The following DOCK1 variants were observed in gnomAD, a reference collection of about 807,000 sequenced individuals.
DOCK1 encodes dedicator of cytokinesis protein 1.
A neutral mutation model predicts 262.7 loss-of-function variants in DOCK1; 138 were observed. That is an observed-to-expected ratio of 0.53 (90% CI 0.46 to 0.61). The LOEUF (loss-of-function observed/expected upper bound fraction) is 0.61. DOCK1 is among the 20% of genes least tolerant of loss of function. DOCK1 has a pLI of 0.00. For missense variants in DOCK1, 1,908 were observed against 2,370.7 expected, an observed-to-expected ratio of 0.80 and a Z score of 4.05; for synonymous variants, 866 against 867.4, an observed-to-expected ratio of 1.00 and a Z score of 0.03.
At chr10:127,159,420 T>C (rs2053391507) in intron 27 of DOCK1, among the ~76,000 whole-genome samples, 1 of 152,212 alleles carries the variant, frequency 6.6e-6, no homozygotes. Context: ...TCTTCAGTTG[T>C]TACTATCAGC....
chr10:127,445,705 A>G (rs926724845), intron 50 of DOCK1, among the ~76,000 whole-genome samples: 19 of 152,226 alleles, frequency 1.2e-4, no homozygotes, highest in African/African-American at 4.3e-4. Context: ...CAGATACTTA[A>G]TATTCATAGC....
intron 38 of DOCK1, among the ~76,000 whole-genome samples, chr10:127,399,775 T>C (rs1156975392): frequency 6.6e-6 from 1 of 152,100 alleles, no homozygotes; most frequent in East Asian, 1.9e-4. Flanking sequence ...GTAAGAGACC[T>C]ACAAGGAAAG....
At chr10:126,974,696 C>CT (rs1174179524) in intron 2 of DOCK1, among the ~76,000 whole-genome samples, 2 of 152,158 alleles carry the variant, frequency 1.3e-5, no homozygotes, top group African/African-American at 4.8e-5. Flanking sequence ...ATGCCGAACT[C>CT]TGTCATGCAG....
chr10:127,405,794 G>A (rs2067484449), intron 40 of DOCK1, among the ~76,000 whole-genome samples: 1 of 146,508 alleles, frequency 6.8e-6, no homozygotes, highest in African/African-American at 2.5e-5. Context: ...GAGGCGTCTG[G>A]CCCTGTCCTG....
chr10:127,049,668 T>C (rs1269174052), intron 21 of DOCK1, among the ~76,000 whole-genome samples: 1 of 152,188 alleles, frequency 6.6e-6, no homozygotes, highest in Non-Finnish European at 1.5e-5. Flanking sequence ...CTTGAATGTT[T>C]ATTTCAAATT....
intron 29 of DOCK1, among the ~76,000 whole-genome samples, chr10:127,332,434 C>A (rs1236762951): frequency 6.6e-6 from 1 of 152,262 alleles, no homozygotes; most frequent in African/African-American, 2.4e-5. Context: ...GCAATGAAAT[C>A]TTTTGGCTTC....
intron 27 of DOCK1, among the ~76,000 whole-genome samples, chr10:127,130,638 T>C (rs1299981768): frequency 2.6e-5 from 4 of 152,198 alleles, no homozygotes; most frequent in African/African-American, 4.8e-5. Context: ...GGCATGATAA[T>C]AAGTGTGGTA....
At chr10:127,098,510 C>T (rs2048041745) in intron 23 of DOCK1, among the ~76,000 whole-genome samples, 1 of 152,160 alleles carries the variant, frequency 6.6e-6, no homozygotes, top group South Asian at 2.1e-4. Flanking sequence ...ACATGCACAA[C>T]ACGTCATTCC....
intron 21 of DOCK1, among the ~76,000 whole-genome samples, chr10:127,049,625 T>C (rs2044579043): frequency 6.6e-6 from 1 of 152,142 alleles, no homozygotes; most frequent in South Asian, 2.1e-4. Flanking sequence ...TGATAATATA[T>C]ACCATGTTCA....
At chr10:127,020,506 G>A (rs983583642) in intron 13 of DOCK1, among the ~76,000 whole-genome samples, 6 of 151,614 alleles carry the variant, frequency 4.0e-5, no homozygotes, top group Non-Finnish European at 7.4e-5. Context: ...GGTCAAAGCC[G>A]TAGTGAGCCA....
At position 127,260,969 on chromosome 10, in the gene DOCK1, GTGTGTGTGTGTGTACCCGTGCTCA is replaced by G. The variant is rs1180762878; in HGVS notation, c.3044+3550_3044+3573del. 3.0e-4 allele frequency among the ~76,000 whole-genome samples: 13 copies of G among 43,378 alleles called. 1 individual carries two copies. Among genetic ancestry groups the G allele is most frequent in the East Asian group, 5.1e-4 (1 of 1,978 alleles). The allele number at this position is 43,378 out of a possible 152,430, so 28.5% of individuals were successfully genotyped here. A position where few individuals can be genotyped will look rare whatever the true frequency, so the allele number is the denominator to read the frequency against. On this transcript the variant is annotated intron_variant, in intron 29 of 51. Coordinates refer to ENST00000623213, the MANE Select transcript of DOCK1 (RefSeq NM_001290223.2). ...TGCTCATCTGTGTGTGTGCATGTGG[GTGTGTGTGTGTGTACCCGTGCTCA>G]TGTGTGTGTACCTGCATGTGTGTGC... is the stretch of plus-strand genomic sequence containing the variant.
At chr10:127,302,758 G>T (rs1423717879) in intron 29 of DOCK1, among the ~76,000 whole-genome samples, 1 of 150,220 alleles carries the variant, frequency 6.7e-6, no homozygotes, top group Non-Finnish European at 1.5e-5. Flanking sequence ...GTGTGTGTGT[G>T]TGTGTGTGTG....
intron 23 of DOCK1, among the ~76,000 whole-genome samples, 153 bp downstream of exon 23, chr10:127,061,929 C>CT (rs562310710): frequency 0.021 from 1,480 of 71,776 alleles, 101 homozygotes; most frequent in African/African-American, 0.067. Flanking sequence ...AAGAGCTGTG[C>CT]TTTTTTTTTT....
Position 127,439,135 on chromosome 10 carries a change from G to A in DOCK1, c.5169G>A (p.Arg1723=). 2 of 1,602,632 alleles carry A rather than the reference G, an allele frequency of 1.2e-6. No individual in the cohort carries two copies. Among genetic ancestry groups the A allele is most frequent in the African/African-American group, 1.3e-5 (1 of 74,892 alleles). The change falls in exon 49 of 52, where the codon AGG becomes AGA. Residue 1723 remains arginine (R), a synonymous_variant. Transcript: ENST00000623213. ...AGAAGGACAAGAAGAAGGAAAAAAG[G>A]AACAGCAAACATCAAGAGATATTTG... ...KEKKDKKKEK[R]NSKHQEIFEK...
At chr10:127,005,744 AATT>A (rs1485984255) in intron 10 of DOCK1, among the ~76,000 whole-genome samples, 1 of 152,122 alleles carries the variant, frequency 6.6e-6, no homozygotes, top group Admixed American at 6.5e-5. Context: ...TTTGTTTCCA[AATT>A]ATTTTTTCTG....
chr10:127,075,146 G>A (rs1204615380), intron 23 of DOCK1, among the ~76,000 whole-genome samples: 2 of 119,860 alleles, frequency 1.7e-5, no homozygotes, highest in Admixed American at 1.1e-4. Context: ...TCCAGCCTGG[G>A]CAACAAGAGC....
intron 1 of DOCK1, among the ~76,000 whole-genome samples, chr10:126,918,520 C>T (rs1219742609): frequency 1.3e-5 from 2 of 152,202 alleles, no homozygotes; most frequent in Non-Finnish European, 2.9e-5. Flanking sequence ...AATTTTTCAC[C>T]CTGGGGAGCT....
chr10:126,959,741 G>A (rs1439758508), intron 1 of DOCK1, among the ~76,000 whole-genome samples: 2 of 152,180 alleles, frequency 1.3e-5, no homozygotes, highest in Non-Finnish European at 2.9e-5. Context: ...ATAGGGGTTG[G>A]ATCTCCAGGA....
rs559233386 is a variant in DOCK1, at chr10:127,060,346, C to T, written c.2337-1322C>T. ...CCATCATTTTAATTGTTTGGTACAT[C>T]ATTTAAGCAAACCCCATTTGAAAAC... On this transcript the variant is annotated intron_variant, in intron 22 of 51. Transcript: ENST00000623213. Among the ~76,000 whole-genome samples the T allele has an allele frequency of 1.7e-3, 260 of 152,220 alleles. 2 individuals carry two copies. The highest frequency in any genetic ancestry group is 6.1e-3 in the African/African-American group (255 of 41,554).
Sources: gnomAD v4.1 joint callset for allele counts (sites outside exome capture counted in the v4.1 genomes callset) on GRCh38, gnomAD v4.1.1 for gene constraint, MANE v1.5 for transcripts, NCBI Gene and HGNC (gene_info 2026-07-23, HGNC 2026-07-21) for gene names.